Variants in EBF3 observed in about 807,000 individuals in gnomAD.
EBF3 encodes the protein transcription factor COE3.
Under a neutral mutation model 77.1 loss-of-function variants are expected in EBF3, and 18 were observed. The ratio of observed to expected loss-of-function variants is 0.23; its 90% CI spans 0.16 to 0.35. The LOEUF is 0.35. Ranked by LOEUF, EBF3 falls within the 10% of genes least tolerant of loss-of-function variation. EBF3 has a pLI of 1.00. For missense variants in EBF3, 558 were observed against 860.0 expected (o/e 0.65, Z 4.39); for synonymous variants, 350 against 343.5 (o/e 1.02, Z -0.21).
intron 6 of EBF3, among the ~76,000 whole-genome samples, chr10:129,946,533 G>A (rs924348231): frequency 2.0e-5 from 3 of 152,124 alleles, no homozygotes; most frequent in Non-Finnish European, 4.4e-5. Flanking sequence ...AATCACGTAT[G>A]AAAGAAGTAT....
chr10:129,857,876 G>A (rs1851362158), intron 10 of EBF3, among the ~76,000 whole-genome samples: 1 of 152,222 alleles, frequency 6.6e-6, no homozygotes, highest in South Asian at 2.1e-4. Context: ...GCCAGGGGCA[G>A]ATTCCAAACC....
chr10:129,954,412 T>TCC (rs543249584), intron 6 of EBF3, among the ~76,000 whole-genome samples: 61 of 142,354 alleles, frequency 4.3e-4, no homozygotes, highest in Middle Eastern at 3.3e-3. Flanking sequence ...CAGCCTCACT[T>TCC]CCCCCCCCCC....
Position 129,848,180 on chromosome 10 carries a change from C to T in EBF3, c.1128+212G>A, listed in dbSNP as rs915883699. On this transcript the variant is annotated intron_variant, in intron 11 of 16. Transcript: ENST00000440978. The surrounding 1 kb of genome is among the most constrained non-coding windows in gnomAD (Gnocchi z 4.4). ...TCCTTTGGAGATGAGATGTAAAACTCGAGCCGTCTACGCCTTCTCTCACCC... is the reference window on the plus strand; with the variant it reads ...TCCTTTGGAGATGAGATGTAAAACTTGAGCCGTCTACGCCTTCTCTCACCC... Among the ~76,000 whole-genome samples, 2 of 152,180 alleles carry T rather than the reference C, an allele frequency of 1.3e-5. No individual in the cohort carries two copies. Among genetic ancestry groups the T allele is most frequent in the Non-Finnish European group, 1.5e-5 (1 of 68,036 alleles).
At chr10:129,928,470 G>C (rs1218824033) in intron 6 of EBF3, among the ~76,000 whole-genome samples, 1 of 152,124 alleles carries the variant, frequency 6.6e-6, no homozygotes, top group Non-Finnish European at 1.5e-5. Context: ...GCCTTCTCCA[G>C]GATTCTAGTA....
chr10:129,952,923 T>A lies in EBF3; in HGVS notation c.554+4335A>T, dbSNP rs1589948579. Among the ~76,000 whole-genome samples, 2 of 151,876 alleles carry A rather than the reference T, an allele frequency of 1.3e-5. No homozygotes were observed. The highest frequency in any genetic ancestry group is 4.8e-5 in the African/African-American group (2 of 41,326). ...TAAAATGTCCCAGAGCACAACTGTG[T>A]GTGCTGACAAAAAGTCAATCCCATG... On this transcript the variant is annotated intron_variant, in intron 6 of 16. Coordinates refer to ENST00000440978, the MANE Select transcript of EBF3 (RefSeq NM_001375380.1). This position sits in a 1 kb window ranked among gnomAD's most constrained non-coding sequence, Gnocchi z 4.7.
chr10:129,838,634 A>T (rs1270529899), intron 16 of EBF3, among the ~76,000 whole-genome samples: 1 of 152,230 alleles, frequency 6.6e-6, no homozygotes, highest in African/African-American at 2.4e-5. Flanking sequence ...ACTTTGCACG[A>T]AAACGCCAAG....
chr10:129,852,342 A>G (rs1850942851), intron 10 of EBF3, among the ~76,000 whole-genome samples: 1 of 152,232 alleles, frequency 6.6e-6, no homozygotes, highest in South Asian at 2.1e-4. Context: ...ACTTGATACA[A>G]TGTTAACGGT....
intron 6 of EBF3, among the ~76,000 whole-genome samples, chr10:129,900,019 TTTAAA>T (rs757163401): frequency 2.2e-4 from 34 of 152,360 alleles, no homozygotes; most frequent in Non-Finnish European, 4.3e-4. Flanking sequence ...CAAGAGAAAC[TTTAAA>T]TTAACTTAGA....
Position 129,942,387 on chromosome 10 carries a change from C to T in EBF3, c.554+14871G>A, listed in dbSNP as rs182627255. ...AAACAAGAAGGGTGCTGAATACTGACGCTGGGGGAAAGGCCTACAGTTAGG... is the reference window on the plus strand; with the variant it reads ...AAACAAGAAGGGTGCTGAATACTGATGCTGGGGGAAAGGCCTACAGTTAGG... On this transcript the variant is annotated intron_variant, in intron 6 of 16. Transcript: ENST00000440978. Among the ~76,000 whole-genome samples the T allele has an allele frequency of 9.2e-5, 14 of 152,282 alleles. No homozygotes were observed. In the East Asian group the frequency reaches 1.2e-3, roughly 13 times the overall value.
chr10:129,911,725 G>A (rs1474772863), intron 6 of EBF3, among the ~76,000 whole-genome samples: 1 of 152,102 alleles, frequency 6.6e-6, no homozygotes, highest in Non-Finnish European at 1.5e-5. Context: ...ATGGAAAACA[G>A]CATGAATGAG....
chr10:129,932,895 C>CTT (rs35568967), intron 6 of EBF3, among the ~76,000 whole-genome samples: 16,564 of 126,314 alleles, frequency 0.13, 1,281 homozygotes, highest in South Asian at 0.21. Context: ...CTTTTTTTTC[C>CTT]TTTTTTTTTT....
At chr10:129,872,504 G>A (rs1360024871) in intron 8 of EBF3, among the ~76,000 whole-genome samples, 2 of 152,076 alleles carry the variant, frequency 1.3e-5, no homozygotes, top group African/African-American at 2.4e-5. Context: ...TTTCCTGTGC[G>A]TGCATCTGTC....
chr10:129,878,173 C>T (rs1290292929), intron 6 of EBF3, among the ~76,000 whole-genome samples: 1 of 152,130 alleles, frequency 6.6e-6, no homozygotes, highest in Non-Finnish European at 1.5e-5. Context: ...AACATTCAGC[C>T]CAGACAGGCC....
intron 10 of EBF3, among the ~76,000 whole-genome samples, chr10:129,859,824 G>A (rs1355804532): frequency 6.7e-6 from 1 of 149,646 alleles, no homozygotes; most frequent in Non-Finnish European, 1.5e-5. Flanking sequence ...TTTGGTGGGA[G>A]GGAGCTTGAG....
At chr10:129,916,838 G>T (rs1855913862) in intron 6 of EBF3, among the ~76,000 whole-genome samples, 1 of 152,206 alleles carries the variant, frequency 6.6e-6, no homozygotes, top group Non-Finnish European at 1.5e-5. Context: ...TGAGCAGGAC[G>T]AAGGTGCTCC....
chr10:129,889,200 G>A (rs1853833049), intron 6 of EBF3, among the ~76,000 whole-genome samples: 1 of 152,242 alleles, frequency 6.6e-6, no homozygotes, highest in Admixed American at 6.5e-5. Context: ...CATGTGCCCT[G>A]CAGAGAAGAC....
At chr10:129,876,039 G>C (rs927873858) in intron 7 of EBF3, among the ~76,000 whole-genome samples, 3 of 152,198 alleles carry the variant, frequency 2.0e-5, no homozygotes, top group Admixed American at 6.5e-5. Context: ...AATTTAAAAA[G>C]TTTTTAAAGA....
At chr10:129,877,663 C>T (rs549863021) in intron 7 of EBF3, 105 bp downstream of exon 7, 11 of 930,234 alleles carry the variant, frequency 1.2e-5, no homozygotes, top group Non-Finnish European at 1.3e-5. Context: ...GCTTCCAAGC[C>T]CTTAAAGAAC....
intron 6 of EBF3, among the ~76,000 whole-genome samples, chr10:129,940,871 C>A (rs997129255): frequency 1.3e-5 from 2 of 152,212 alleles, no homozygotes; most frequent in Non-Finnish European, 2.9e-5. Context: ...ACATCCCACA[C>A]TCGATCCTCC....
Sources: gnomAD v4.1 joint callset for allele counts (sites outside exome capture counted in the v4.1 genomes callset) on GRCh38, gnomAD v4.1.1 for gene constraint, Gnocchi (gnomAD v3.1) non-coding constraint, MANE v1.5 for transcripts, NCBI Gene and HGNC (gene_info 2026-07-23, HGNC 2026-07-21) for gene names.